ANKS3: variants seen among roughly 807,000 people sequenced by gnomAD.
ANKS3 encodes ankyrin repeat and sterile alpha motif domain containing 3, also known as ankyrin repeat and SAM domain-containing protein 3.
A neutral mutation model predicts 80.7 loss-of-function variants in ANKS3; 62 were observed. That is an observed-to-expected ratio of 0.77 (90% CI 0.63 to 0.95). The LOEUF is 0.95. ANKS3 is among the 40% of genes least tolerant of loss of function. The probability of loss-of-function intolerance (pLI) is 0.00; values close to 1 mark genes in which losing one functional copy is unlikely to be tolerated. For missense variants in ANKS3, 1,150 were observed against 883.6 expected, an observed-to-expected ratio of 1.30 and a Z score of -3.82; for synonymous variants, 489 against 355.3, an observed-to-expected ratio of 1.38 and a Z score of -4.23.
intron 6 of ANKS3, among the ~76,000 whole-genome samples, chr16:4,720,601 A>C (rs552853808): frequency 6.6e-6 from 1 of 151,492 alleles, no homozygotes; most frequent in East Asian, 1.9e-4. Flanking sequence ...ACACATCCTA[A>C]GCTCCTGAAG....
chr16:4,698,978 C>G (rs2079747759), intron 12 of ANKS3, 37 bp from the exon 13 acceptor site: 1 of 1,613,088 alleles, frequency 6.2e-7, no homozygotes, highest in African/African-American at 1.3e-5. Context: ...GCCTCAGCGT[C>G]CCAAGAGCGC....
chr16:4,704,222 A>T (rs1323846477), intron 8 of ANKS3, among the ~76,000 whole-genome samples: 1 of 152,194 alleles, frequency 6.6e-6, no homozygotes, highest in Non-Finnish European at 1.5e-5. Flanking sequence ...TTGGGAAGAC[A>T]GAAGTCTGCA....
At chr16:4,729,778 C>A in intron 3 of ANKS3, 1 of 443,402 alleles carries the variant, frequency 2.3e-6, no homozygotes, top group East Asian at 3.5e-5. Context: ...AAGTTTACTC[C>A]CTCTTTTTCT....
chr16:4,696,989 C>T (rs770079876), intron 17 of ANKS3, 28 bp downstream of exon 17: 128 of 1,606,854 alleles, frequency 8.0e-5, no homozygotes, highest in Non-Finnish European at 9.9e-5. Flanking sequence ...GCTCCCACCA[C>T]GCGGGATCCA....
intron 6 of ANKS3, among the ~76,000 whole-genome samples, chr16:4,715,181 C>T (rs896739549): frequency 6.6e-6 from 1 of 151,986 alleles, no homozygotes; most frequent in South Asian, 2.1e-4. Context: ...GTGGCTCATG[C>T]CTGTAATCCC....
intron 15 of ANKS3, 117 bp downstream of exon 15, chr16:4,697,860 G>C (rs796239740): frequency 4.1e-6 from 4 of 981,602 alleles, no homozygotes; most frequent in Non-Finnish European, 5.9e-6. Flanking sequence ...TGCACACAGG[G>C]ACCTGGGAGA....
chr16:4,713,763 T>C (rs1051935573), intron 7 of ANKS3, among the ~76,000 whole-genome samples: 3 of 152,266 alleles, frequency 2.0e-5, no homozygotes, highest in Middle Eastern at 3.4e-3. Flanking sequence ...CAGGAAACAG[T>C]GAAAACAGAA....
At chr16:4,708,928 G>C (rs1283720760) in intron 7 of ANKS3, among the ~76,000 whole-genome samples, 2 of 149,574 alleles carry the variant, frequency 1.3e-5, no homozygotes, top group African/African-American at 4.9e-5. Context: ...AACAGAGCGA[G>C]ACTCTGTCTC....
intron 11 of ANKS3, chr16:4,699,609 A>T (rs1377354041): frequency 5.1e-6 from 1 of 195,462 alleles, no homozygotes; most frequent in Non-Finnish European, 1.1e-5. Flanking sequence ...CCTGGATGTA[A>T]GATCCGTGTT....
chr16:4,730,063 G>C lies in ANKS3; in HGVS notation c.87C>G (p.Ser29Arg). ...SMWHGLGTQV[S>R]GEELDVPLDL... ...CCAGGGGGACATCCAGCTCCTCCCC[G>C]CTGACCTGTGTCCCGAGCCCGTGCC... is the stretch of plus-strand genomic sequence containing the variant. The change falls in exon 3 of 18, where the codon AGC (serine) becomes AGG (arginine). Residue 29 changes from serine (S) to arginine (R), a missense_variant. Transcript: ENST00000304283. The C allele has an allele frequency of 6.3e-7, 1 of 1,591,166 alleles. No homozygotes were observed.
rs1431249863 is a variant in ANKS3, at chr16:4,697,338, T to C, written c.1889A>G (p.Glu630Gly). The C allele has an allele frequency of 1.2e-6, 2 of 1,603,628 alleles. No homozygotes were observed. The highest frequency in any genetic ancestry group is 1.7e-6 in the Non-Finnish European group (2 of 1,174,182). Residue 630 changes from glutamate (E) to glycine (G), a missense_variant, in exon 16 of 18, where the codon GAG becomes GGG. By Grantham distance (98) the Glu-to-Gly change is moderately conservative. Coordinates refer to ENST00000304283, the MANE Select transcript of ANKS3 (RefSeq NM_133450.4). ...TCTGGTCCCCGGAGACTCACCCATCTCACGGACACGGTCCTCCAGGGCTCC... is the reference window on the plus strand; with the variant it reads ...TCTGGTCCCCGGAGACTCACCCATCCCACGGACACGGTCCTCCAGGGCTCC... Reference protein sequence around the residue: ...LSGALEDRVREMGQALCLVTQ... With the variant: ...LSGALEDRVRGMGQALCLVTQ...
At chr16:4,728,058 T>G (rs776079696) in intron 3 of ANKS3, 2 of 152,060 alleles carry the variant, frequency 1.3e-5, no homozygotes, top group Non-Finnish European at 2.9e-5. Flanking sequence ...TTTTTGTTGT[T>G]TTTTTGAGAC....
At chr16:4,729,840 G>A (rs575130084) in intron 3 of ANKS3, 140 bp downstream of exon 3, 14 of 863,540 alleles carry the variant, frequency 1.6e-5, no homozygotes, top group African/African-American at 3.5e-5. Context: ...AATACTTACT[G>A]ACAGCTGCCT....
chr16:4,699,251 C>G, intron 11 of ANKS3, 75 bp from the exon 12 acceptor site: 1 of 1,546,696 alleles, frequency 6.5e-7, no homozygotes, highest in Non-Finnish European at 8.7e-7. Flanking sequence ...CCACTCGGAG[C>G]CCCACCACTT....
Position 4,702,242 on chromosome 16 carries a change from T to C in ANKS3, c.869A>G (p.Glu290Gly). 1 of 1,566,760 alleles carries C rather than the reference T, an allele frequency of 6.4e-7. No homozygotes were observed. ...GACATAGCCACGGGGAGGAGCCTGC[T>C]CTGTGTACAGAATGGGGCCCATAAG... The part of the protein sequence containing the change: ...LGGRAPRPRY[E>G]QAPPRGYVTF... Residue 290 changes from glutamate (E) to glycine (G), a missense_variant and splice_region_variant, in exon 9 of 18, where the codon GAG becomes GGG. By Grantham distance (98) the Glu-to-Gly change is moderately conservative (BLOSUM62 -2). Coordinates refer to ENST00000304283, the MANE Select transcript of ANKS3 (RefSeq NM_133450.4).
At chr16:4,730,351 C>T (rs555966809) in intron 2 of ANKS3, 200 bp from the exon 3 acceptor site, 190 of 420,648 alleles carry the variant, frequency 4.5e-4, no homozygotes, top group Non-Finnish European at 7.1e-4. Context: ...ATCTGGTGAG[C>T]CTGCTATCAC....
intron 6 of ANKS3, among the ~76,000 whole-genome samples, chr16:4,719,655 C>G (rs2080982798): frequency 6.6e-6 from 1 of 151,510 alleles, no homozygotes; most frequent in African/African-American, 2.4e-5. Context: ...AAAAAACAGC[C>G]AGGCGTGGTA....
At chr16:4,712,646 G>C (rs2080558173) in intron 7 of ANKS3, among the ~76,000 whole-genome samples, 1 of 152,104 alleles carries the variant, frequency 6.6e-6, no homozygotes, top group Non-Finnish European at 1.5e-5. Context: ...AGGAATAGAA[G>C]AACTGAGGAA....
In ANKS3 at chr16:4,723,215, G is replaced by C. The variant is rs560703878; in HGVS notation, c.573+1535C>G. Among the ~76,000 whole-genome samples the C allele has an allele frequency of 4.6e-5, 7 of 152,216 alleles. No individual in the cohort carries two copies. The South Asian group carries it at 1.5e-3, about 32-fold the overall frequency. ...ACCCACTTACAATGTACAATTCAAC[G>C]GCTTCTCGTATATTCACAGTTGTTC... On this transcript the variant is annotated intron_variant, in intron 6 of 17. Coordinates refer to ENST00000304283, the MANE Select transcript of ANKS3 (RefSeq NM_133450.4).
Sources: allele counts gnomAD v4.1 joint callset (sites outside exome capture counted in the v4.1 genomes callset), GRCh38; gene constraint gnomAD v4.1.1; transcripts MANE v1.5; gene names NCBI Gene and HGNC (gene_info 2026-07-23, HGNC 2026-07-21).